INTS14: variants seen among roughly 807,000 people sequenced by gnomAD.
The protein encoded by INTS14 is integrator complex subunit 14.
In INTS14, 27 loss-of-function variants were observed where a neutral mutation model predicts 56.9. The observed-to-expected ratio is 0.47, with a 90% CI of 0.35 to 0.65. The LOEUF (loss-of-function observed/expected upper bound fraction) is 0.65, where lower values mean the gene tolerates loss of function less well. Ranked by LOEUF, INTS14 falls within the 30% of genes least tolerant of loss-of-function variation. INTS14 has a pLI of 0.00. For missense variants in INTS14, 517 were observed against 632.2 expected, an observed-to-expected ratio of 0.82 and a Z score of 1.95; for synonymous variants, 207 against 236.2, an observed-to-expected ratio of 0.88 and a Z score of 1.13.
intron 3 of INTS14, among the ~76,000 whole-genome samples, chr15:65,602,460 T>C (rs1428453915): frequency 6.6e-6 from 1 of 151,914 alleles, no homozygotes; most frequent in East Asian, 1.9e-4. Flanking sequence ...AATTTTTGTA[T>C]TTTTAGTAGA....
intron 6 of INTS14, among the ~76,000 whole-genome samples, chr15:65,596,401 A>G (rs559268955): frequency 2.0e-5 from 3 of 152,176 alleles, no homozygotes; most frequent in Non-Finnish European, 4.4e-5. Context: ...TATAATATAA[A>G]AACTTAAAAA....
chr15:65,596,374 C>A (rs2073211930), intron 6 of INTS14, among the ~76,000 whole-genome samples: 1 of 151,736 alleles, frequency 6.6e-6, no homozygotes, highest in African/African-American at 2.4e-5. Flanking sequence ...ACCAAAAGAA[C>A]TTAAACATTT....
Position 65,598,954 on chromosome 15 carries a change from G to C in INTS14, c.523C>G (p.Leu175Val). 1 of 1,613,970 alleles carries C rather than the reference G, an allele frequency of 6.2e-7. No individual in the cohort carries two copies. Among genetic ancestry groups the C allele is most frequent in the Non-Finnish European group, 8.5e-7 (1 of 1,179,932 alleles). Residue 175 changes from leucine to valine, a missense_variant, in exon 5 of 12, where the codon CTC becomes GTC. By Grantham distance (32) the Leu-to-Val change is conservative. Transcript: ENST00000313182. ...STDSLECLER[L>V]IDLNNGEGQI... ...CCTTCACCATTGTTTAAATCTATGA[G>C]ACGTTCAAGGCATTCCAAGGAATCG...
Position 65,611,107 on chromosome 15 carries a change from A to G in INTS14, c.-72T>C. ...CGGCCTCCCCACTCACCCCGTGCCC[A>G]TCGCCGGACACAGTCCGTCGGCATA... is the stretch of plus-strand genomic sequence containing the variant. On this transcript the variant is annotated 5_prime_UTR_variant, in exon 1 of 12. The change abolishes an upstream ATG in the 5' untranslated region. Transcript: ENST00000313182. The G allele has an allele frequency of 6.5e-7, 1 of 1,535,408 alleles. No individual in the cohort carries two copies. Among genetic ancestry groups the G allele is most frequent in the Non-Finnish European group, 8.7e-7 (1 of 1,146,516 alleles).
chr15:65,579,460 T>C lies in INTS14; in HGVS notation c.1505A>G (p.Asn502Ser), dbSNP rs766318959. 5.6e-6 allele frequency: 9 copies of C among 1,614,220 alleles called. No individual in the cohort carries two copies. In the Admixed American group the frequency reaches 1.5e-4, roughly 27 times the overall value. ...GAAGTCCGTGTGCAAAGGTGTGATG[T>C]TCTGGTCATAAGCGGCATACTCAGA... ...GTSEYAAYDQ[N>S]ITPLHTDFSG... is the part of the protein sequence containing the mutation. Residue 502 changes from asparagine (N) to serine (S), a missense_variant, in exon 12 of 12, where the codon AAC (asparagine) becomes AGC (serine). Transcript: ENST00000313182.
chr15:65,604,115 G>C (rs1375387413), intron 3 of INTS14, among the ~76,000 whole-genome samples: 1 of 152,124 alleles, frequency 6.6e-6, no homozygotes, highest in African/African-American at 2.4e-5. Flanking sequence ...ACACAGTCTC[G>C]CTCTGTCGCT....
At chr15:65,601,826 G>A (rs761890219) in intron 3 of INTS14, among the ~76,000 whole-genome samples, 26 of 152,118 alleles carry the variant, frequency 1.7e-4, no homozygotes, top group Admixed American at 2.6e-4. Context: ...TACCTCCATC[G>A]GCTTTTTCAG....
In INTS14 at chr15:65,607,333, A is replaced by C; in HGVS notation, c.48T>G (p.Pro16=). 6.2e-7 allele frequency: 1 copy of C among 1,614,212 alleles called. No homozygotes were observed. Among genetic ancestry groups the C allele is most frequent in the Non-Finnish European group, 8.5e-7 (1 of 1,180,032 alleles). The change falls in exon 2 of 12, where the codon CCT becomes CCG. Residue 16 remains proline (P), a synonymous_variant. Transcript: ENST00000313182. The part of the protein sequence containing the change: ...VMDVSLSMTR[P]VSIEGSEEYQ... The stretch of plus-strand genomic sequence containing the variant: ...ATTCCTCGGACCCCTCAATAGACAC[A>C]GGTCGGGTCATGGAAAGGGATACAT...
intron 1 of INTS14, among the ~76,000 whole-genome samples, chr15:65,609,899 C>G (rs1405812804): frequency 6.6e-6 from 1 of 152,148 alleles, no homozygotes. Flanking sequence ...CTTGCCTTCT[C>G]TGAAGACACC....
intron 2 of INTS14, 96 bp downstream of exon 2, chr15:65,607,063 T>C (rs747947670): frequency 4.9e-6 from 7 of 1,441,210 alleles, no homozygotes; most frequent in Non-Finnish European, 6.5e-6. Flanking sequence ...ACTTATTAAA[T>C]AATGCCAAAG....
chr15:65,580,399 T>C (rs1566914749), intron 11 of INTS14, among the ~76,000 whole-genome samples: 1 of 151,962 alleles, frequency 6.6e-6, no homozygotes, highest in Non-Finnish European at 1.5e-5. Context: ...GTTAAAAAAG[T>C]GGAAAGTTAA....
At chr15:65,610,912 C>A in intron 1 of INTS14, 186 bp downstream of exon 1, 1 of 1,467,388 alleles carries the variant, frequency 6.8e-7, no homozygotes, top group Non-Finnish European at 9.0e-7. Flanking sequence ...GGACCCCGAG[C>A]CTCAGAGCGA....
chr15:65,608,026 C>A (rs1217464187), intron 1 of INTS14, among the ~76,000 whole-genome samples: 8 of 152,182 alleles, frequency 5.3e-5, no homozygotes, highest in Non-Finnish European at 5.9e-5. Flanking sequence ...CAGTAGTATT[C>A]ATTGTACATA....
intron 9 of INTS14, among the ~76,000 whole-genome samples, chr15:65,591,211 A>T (rs989904017): frequency 5.3e-5 from 8 of 152,212 alleles, no homozygotes; most frequent in Non-Finnish European, 1.2e-4. Context: ...GAAAAAGTCA[A>T]ATCGGTACCA....
intron 9 of INTS14, among the ~76,000 whole-genome samples, chr15:65,589,628 C>G (rs546549226): frequency 6.6e-6 from 1 of 152,160 alleles, no homozygotes; most frequent in South Asian, 2.1e-4. Flanking sequence ...GCCTATTCTC[C>G]TCTCCTCACT....
At chr15:65,587,585 T>G (rs1344502125) in intron 9 of INTS14, among the ~76,000 whole-genome samples, 1 of 152,074 alleles carries the variant, frequency 6.6e-6, no homozygotes, top group Non-Finnish European at 1.5e-5. Flanking sequence ...ATTGGGAGGA[T>G]AGTAGGAGGG....
intron 1 of INTS14, among the ~76,000 whole-genome samples, chr15:65,609,522 A>T (rs1398342613): frequency 5.9e-5 from 9 of 152,220 alleles, no homozygotes. Flanking sequence ...CTCAAAACTT[A>T]TCACAGTAAC....
chr15:65,610,920 C>A (rs2073906597), intron 1 of INTS14, 178 bp downstream of exon 1: 21 of 1,462,492 alleles, frequency 1.4e-5, no homozygotes, highest in Non-Finnish European at 1.9e-5. Context: ...AGCCTCAGAG[C>A]GAGGGGAGGC....
At position 65,579,523 on chromosome 15, in the gene INTS14, T is replaced by C; in HGVS notation, c.1442A>G (p.His481Arg). Residue 481 changes from histidine (H) to arginine (R), a missense_variant, in exon 12 of 12, where the codon CAT (histidine) becomes CGT (arginine). Transcript: ENST00000313182. ...AHPDAAFQLT[H>R]AAQQLKLAST... is the part of the protein sequence containing the mutation. ...GGCCAGCTTGAGCTGCTGGGCAGCA[T>C]GGGTCAGCTGGAATGCAGCATCAGG... 1 of 1,614,236 alleles carries C rather than the reference T, an allele frequency of 6.2e-7. No homozygotes were observed. The highest frequency in any genetic ancestry group is 1.3e-5 in the African/African-American group (1 of 75,062).
Sources: gnomAD v4.1 joint callset for allele counts (sites outside exome capture counted in the v4.1 genomes callset) on GRCh38, gnomAD v4.1.1 for gene constraint, MANE v1.5 for transcripts, NCBI Gene and HGNC (gene_info 2026-07-23, HGNC 2026-07-21) for gene names.